PDE1C: variants seen among roughly 807,000 people sequenced by gnomAD.
PDE1C encodes the protein phosphodiesterase 1C.
A neutral mutation model predicts 93.1 loss-of-function variants in PDE1C; 62 were observed. That is an observed-to-expected ratio of 0.67 (90% confidence interval 0.54 to 0.82). The LOEUF (loss-of-function observed/expected upper bound fraction) is 0.82. Ranked by LOEUF, PDE1C falls within the 40% of genes least tolerant of loss-of-function variation. The pLI is 0.00. For missense variants in PDE1C, 742 were observed against 884.6 expected (o/e 0.84, Z 2.04); for synonymous variants, 325 against 310.1 (o/e 1.05, Z -0.50).
At chr7:31,979,840 G>A (rs1812149173) in intron 2 of PDE1C, among the ~76,000 whole-genome samples, 3 of 152,190 alleles carry the variant, frequency 2.0e-5, no homozygotes, top group East Asian at 1.9e-4. Flanking sequence ...TTTGATACAA[G>A]TCAACAACTA....
intron 1 of PDE1C, among the ~76,000 whole-genome samples, chr7:32,323,616 T>C (rs1302307050): frequency 6.6e-6 from 1 of 152,084 alleles, no homozygotes; most frequent in Non-Finnish European, 1.5e-5. Context: ...CAAATGGAGA[T>C]GTCAACCACG....
intron 2 of PDE1C, among the ~76,000 whole-genome samples, chr7:32,173,682 C>T (rs557469383): frequency 6.6e-6 from 1 of 152,280 alleles, no homozygotes; most frequent in Admixed American, 6.5e-5. Flanking sequence ...ACACACCATG[C>T]ACATGGGATA....
intron 1 of PDE1C, among the ~76,000 whole-genome samples, chr7:32,417,015 G>A (rs537919430): frequency 3.9e-5 from 6 of 152,220 alleles, no homozygotes; most frequent in Admixed American, 2.0e-4. Context: ...TCTCCCAGCC[G>A]ACACATAGCA....
intron 1 of PDE1C, among the ~76,000 whole-genome samples, chr7:32,234,071 T>G (rs921167295): frequency 4.6e-5 from 7 of 151,858 alleles, no homozygotes; most frequent in African/African-American, 1.7e-4. Context: ...AGAGTAAATA[T>G]CAGGGGATAT....
intron 2 of PDE1C, among the ~76,000 whole-genome samples, chr7:31,919,883 A>G (rs1164634113): frequency 6.6e-6 from 1 of 152,094 alleles, no homozygotes; most frequent in African/African-American, 2.4e-5. Context: ...TCCACTTGGC[A>G]GGTGTAGGTT....
chr7:31,931,595 A>C (rs978815194), intron 2 of PDE1C, among the ~76,000 whole-genome samples: 1 of 152,214 alleles, frequency 6.6e-6, no homozygotes, highest in Non-Finnish European at 1.5e-5. Context: ...GAGAGCACAC[A>C]AACAAATGGA....
chr7:32,309,947 C>A (rs948333411), intron 1 of PDE1C, among the ~76,000 whole-genome samples: 1 of 152,186 alleles, frequency 6.6e-6, no homozygotes, highest in Non-Finnish European at 1.5e-5. Context: ...TTAAAAGATA[C>A]AGACTGGCAA....
At chr7:32,416,444 C>T (rs1785278568) in intron 1 of PDE1C, among the ~76,000 whole-genome samples, 1 of 152,226 alleles carries the variant, frequency 6.6e-6, no homozygotes, top group Non-Finnish European at 1.5e-5. Context: ...CCACTCCCTA[C>T]TGAGAAACAG....
At chr7:32,237,545 C>G (rs1398380603) in intron 1 of PDE1C, among the ~76,000 whole-genome samples, 2 of 150,842 alleles carry the variant, frequency 1.3e-5, no homozygotes, top group Non-Finnish European at 2.9e-5. Flanking sequence ...GAACTGTATG[C>G]CAAAAATAAT....
At chr7:32,148,991 A>G (rs1337097269) in intron 3 of PDE1C, among the ~76,000 whole-genome samples, 1 of 152,220 alleles carries the variant, frequency 6.6e-6, no homozygotes, top group Non-Finnish European at 1.5e-5. Flanking sequence ...GTTCATCGCT[A>G]TGTGTAAAGA....
chr7:31,755,576 A>AAAAAC (rs949162620), intron 17 of PDE1C, among the ~76,000 whole-genome samples: 2 of 151,888 alleles, frequency 1.3e-5, no homozygotes, highest in Admixed American at 6.6e-5. Flanking sequence ...AGTGTTCAAA[A>AAAAAC]AAAACAAAAC....
chr7:31,874,152 GA>G (rs1399838608), intron 5 of PDE1C, among the ~76,000 whole-genome samples: 1 of 152,012 alleles, frequency 6.6e-6, no homozygotes, highest in Non-Finnish European at 1.5e-5. Flanking sequence ...TCACTTTACT[GA>G]AAAAAAGTAA....
the PDE1C span, among the ~76,000 whole-genome samples, chr7:31,637,867 T>G: frequency 3.9e-5 from 6 of 152,232 alleles, no homozygotes; most frequent in African/African-American, 1.4e-4. Context: ...TTTATGGTTT[T>G]AGGTCTAACA....
At chr7:31,866,830 C>T (rs1795356508) in intron 6 of PDE1C, among the ~76,000 whole-genome samples, 1 of 152,074 alleles carries the variant, frequency 6.6e-6, no homozygotes, top group African/African-American at 2.4e-5. Context: ...GGCTAGCAGT[C>T]CACATTCCCA....
intron 1 of PDE1C, among the ~76,000 whole-genome samples, chr7:32,337,427 T>C (rs1212371389): frequency 1.3e-5 from 2 of 152,088 alleles, no homozygotes; most frequent in African/African-American, 2.4e-5. Flanking sequence ...AAACCAAAAC[T>C]AGTATAGTTG....
the PDE1C span, among the ~76,000 whole-genome samples, chr7:31,633,189 C>T: frequency 6.6e-6 from 1 of 152,124 alleles, no homozygotes; most frequent in Admixed American, 6.5e-5. Flanking sequence ...CCGGCCAGGT[C>T]TGGGGAGATT....
At chr7:31,745,925 G>T in the PDE1C span, among the ~76,000 whole-genome samples, 2 of 152,166 alleles carry the variant, frequency 1.3e-5, no homozygotes, top group Non-Finnish European at 2.9e-5. Context: ...TATGGTGGGC[G>T]AGTAGGGGAA....
intron 1 of PDE1C, among the ~76,000 whole-genome samples, chr7:32,378,253 C>T (rs942869131): frequency 6.6e-6 from 1 of 152,168 alleles, no homozygotes; most frequent in Non-Finnish European, 1.5e-5. Flanking sequence ...CTCCTCACAG[C>T]AGCAGCCAGA....
chr7:32,358,093 CTG>C (rs1784066143), intron 1 of PDE1C, among the ~76,000 whole-genome samples: 1 of 152,212 alleles, frequency 6.6e-6, no homozygotes, highest in African/African-American at 2.4e-5. Context: ...GCTCCCAGCA[CTG>C]TGTTATCTTC....
Sources: allele counts gnomAD v4.1 joint callset (sites outside exome capture counted in the v4.1 genomes callset), GRCh38; gene constraint gnomAD v4.1.1; transcripts MANE v1.5; gene names NCBI Gene and HGNC (gene_info 2026-07-23, HGNC 2026-07-21).